The following LRGUK variants were observed in gnomAD, a reference collection of about 807,000 sequenced individuals.
LRGUK encodes leucine-rich repeat and guanylate kinase domain-containing protein.
In LRGUK, 65 loss-of-function variants were observed where a neutral mutation model predicts 76.0. That is an observed-to-expected ratio of 0.85 (90% CI 0.70 to 1.05). LRGUK has a LOEUF of 1.05. LRGUK is among the 50% of genes least tolerant of loss of function. The pLI is 0.00. For missense variants in LRGUK, 758 were observed against 732.8 expected, an observed-to-expected ratio of 1.03 and a Z score of -0.40; for synonymous variants, 268 against 265.6, an observed-to-expected ratio of 1.01 and a Z score of -0.09.
chr7:134,142,576 C>T (rs1171541455), intron 3 of LRGUK, among the ~76,000 whole-genome samples: 1 of 150,962 alleles, frequency 6.6e-6, no homozygotes, highest in African/African-American at 2.4e-5. Context: ...AGTGGTAAGT[C>T]CAACTGAAAC....
downstream of LRGUK, among the ~76,000 whole-genome samples, chr7:134,267,686 C>A (rs1327922845): frequency 6.6e-6 from 1 of 152,116 alleles, no homozygotes; most frequent in Non-Finnish European, 1.5e-5. Context: ...TGTGAGGCCT[C>A]CCCAGCCATG....
chr7:134,185,844 C>A (rs924417256), intron 11 of LRGUK, among the ~76,000 whole-genome samples: 4 of 152,142 alleles, frequency 2.6e-5, no homozygotes, highest in African/African-American at 7.2e-5. Flanking sequence ...TTTATTTGAA[C>A]AACTCTAGGC....
intron 11 of LRGUK, among the ~76,000 whole-genome samples, chr7:134,190,757 T>A (rs1381927026): frequency 6.6e-6 from 1 of 152,234 alleles, no homozygotes; most frequent in East Asian, 1.9e-4. Flanking sequence ...CAAAAATTTA[T>A]CAAATGCCTA....
At chr7:134,203,075 T>C (rs993267249) in intron 15 of LRGUK, among the ~76,000 whole-genome samples, 2 of 152,046 alleles carry the variant, frequency 1.3e-5, no homozygotes, top group African/African-American at 4.8e-5. Flanking sequence ...TGGTGGCATG[T>C]GCCTGTAATC....
intron 5 of LRGUK, among the ~76,000 whole-genome samples, chr7:134,150,388 G>T (rs1045907086): frequency 1.3e-5 from 2 of 152,080 alleles, no homozygotes; most frequent in African/African-American, 4.8e-5. Flanking sequence ...CTTGAACCTG[G>T]GAGGTGGAGG....
intron 5 of LRGUK, among the ~76,000 whole-genome samples, chr7:134,151,723 T>A (rs1798232482): frequency 6.6e-6 from 1 of 151,778 alleles, no homozygotes; most frequent in African/African-American, 2.4e-5. Context: ...GTATGGAGAG[T>A]TTAATATTAG....
In LRGUK at chr7:134,143,439, T is replaced by C. The variant is rs150001772; in HGVS notation, c.588+277T>C. Among the ~76,000 whole-genome samples the C allele has an allele frequency of 1.6e-3, 247 of 152,330 alleles. 1 individual carries two copies. The highest frequency in any genetic ancestry group is 3.0e-3 in the Non-Finnish European group (201 of 68,038). ...TCTCCTCTTTCCCTCATTTGAATAG[T>C]AGTTATTATTGCCCTTTTTTTGTTG... is the stretch of plus-strand genomic sequence containing the variant. On this transcript the variant is annotated intron_variant, in intron 4 of 15. Coordinates refer to ENST00000645682, the Ensembl canonical transcript of LRGUK.
rs993042878 is a variant in LRGUK, at chr7:134,184,544, C to T, written c.1334+691C>T. The stretch of plus-strand genomic sequence containing the variant: ...TTGGCCTCCCAAAGTGCTGGGATTA[C>T]AGGTGTGAGCCACCGCGCCTGACCG... On this transcript the variant is annotated intron_variant, in intron 11 of 15. Coordinates refer to ENST00000645682, the Ensembl canonical transcript of LRGUK. Among the ~76,000 whole-genome samples, 5 of 152,148 alleles carry T rather than the reference C, an allele frequency of 3.3e-5. No individual in the cohort carries two copies. The East Asian group carries it at 9.7e-4, about 29-fold the overall frequency.
chr7:134,153,738 C>T (rs1476246935), intron 5 of LRGUK, among the ~76,000 whole-genome samples: 3 of 152,120 alleles, frequency 2.0e-5, no homozygotes, highest in Admixed American at 6.6e-5. Flanking sequence ...TTAAACTATG[C>T]GTGTTTCTTT....
chr7:134,271,365 T>C, the LRGUK span, among the ~76,000 whole-genome samples: 3 of 151,954 alleles, frequency 2.0e-5, no homozygotes, highest in Admixed American at 2.0e-4. Context: ...TCTTATGAGT[T>C]TCTTTTTTAT....
Position 134,151,842 on chromosome 7 carries a change from T to G in LRGUK, c.670+3523T>G, listed in dbSNP as rs151047911. Among the ~76,000 whole-genome samples the G allele has an allele frequency of 2.3e-3, 343 of 152,224 alleles. 3 individuals are homozygous for G. The highest frequency in any genetic ancestry group is 7.5e-3 in the African/African-American group (310 of 41,572). ...TAGACAATTTAATAAAATCCAGCTC[T>G]CATTCACAATGAAAACTCTCAGTAA... On this transcript the variant is annotated intron_variant, in intron 5 of 15. Transcript: ENST00000645682.
At chr7:134,206,897 G>T (rs1231440503) in intron 15 of LRGUK, among the ~76,000 whole-genome samples, 2 of 152,184 alleles carry the variant, frequency 1.3e-5, no homozygotes. Flanking sequence ...ATGGTAGAAA[G>T]AAATGATGAT....
chr7:134,148,124 G>A (rs1798057186), intron 4 of LRGUK, 114 bp from the exon 5 acceptor site: 1 of 629,524 alleles, frequency 1.6e-6, no homozygotes, highest in South Asian at 1.8e-5. Flanking sequence ...TGTACTTTCA[G>A]TAATGAATTC....
intron 16 of LRGUK, among the ~76,000 whole-genome samples, chr7:134,244,528 G>T (rs1802243836): frequency 6.6e-6 from 1 of 152,166 alleles, no homozygotes; most frequent in Admixed American, 6.5e-5. Flanking sequence ...CAGTTAGAAT[G>T]GTGATCATTA....
chr7:134,138,491 A>C (rs944253797), intron 2 of LRGUK, among the ~76,000 whole-genome samples: 1 of 152,008 alleles, frequency 6.6e-6, no homozygotes, highest in African/African-American at 2.4e-5. Context: ...CTCCTACCAA[A>C]GTCATAAGTT....
intron 16 of LRGUK, among the ~76,000 whole-genome samples, chr7:134,227,893 A>G (rs1005943192): frequency 1.3e-5 from 2 of 152,174 alleles, no homozygotes; most frequent in Non-Finnish European, 1.5e-5. Context: ...TAAAGCAAAC[A>G]TGAGAAGTTC....
chr7:134,127,762 C>T, intron 1 of LRGUK, 98 bp downstream of exon 1: 1 of 1,357,208 alleles, frequency 7.4e-7, no homozygotes, highest in Non-Finnish European at 9.9e-7. Flanking sequence ...CCCGAAGCTT[C>T]CCACACCTTC....
chr7:134,196,856 A>G, intron 12 of LRGUK, 136 bp from the exon 13 acceptor site: 1 of 505,104 alleles, frequency 2.0e-6, no homozygotes, highest in South Asian at 3.7e-5. Flanking sequence ...CATTTACCCC[A>G]TTGTCATCCT....
exon 5 of LRGUK, chr7:134,148,242 C>A: frequency 6.3e-7 from 1 of 1,598,074 alleles, no homozygotes. Context: ...TGCCAGAAGG[C>A]GGATTTTTCC....
Sources: gnomAD v4.1 joint callset for allele counts (sites outside exome capture counted in the v4.1 genomes callset) on GRCh38, gnomAD v4.1.1 for gene constraint, MANE v1.5 for transcripts, NCBI Gene and HGNC (gene_info 2026-07-23, HGNC 2026-07-21) for gene names.